The following MCM9 variants were observed in gnomAD, a reference collection of about 807,000 sequenced individuals.
MCM9 encodes the protein DNA helicase MCM9.
Under a neutral mutation model 72.8 loss-of-function variants are expected in MCM9, and 55 were observed. The observed-to-expected ratio is 0.76, with a 90% CI of 0.61 to 0.95. MCM9 has a LOEUF of 0.95. MCM9 is among the 40% of genes least tolerant of loss of function. The pLI, the probability that MCM9 is intolerant of heterozygous loss-of-function variation, is 0.00. For missense variants in MCM9, 1,279 were observed against 1,377.0 expected, an observed-to-expected ratio of 0.93 and a Z score of 1.13; for synonymous variants, 480 against 503.4, an observed-to-expected ratio of 0.95 and a Z score of 0.62.
intron 9 of MCM9, among the ~76,000 whole-genome samples, chr6:118,844,913 C>CT (rs1233295053): frequency 6.6e-6 from 1 of 151,816 alleles, no homozygotes; most frequent in Non-Finnish European, 1.5e-5. Context: ...TCTGGACAGG[C>CT]CAAACACTGG....
chr6:118,815,400 A>C lies in MCM9; in HGVS notation c.2856T>G (p.Ser952Arg), dbSNP rs1469061245. 1 of 1,550,196 alleles carries C rather than the reference A, an allele frequency of 6.5e-7. No individual in the cohort carries two copies. Among genetic ancestry groups the C allele is most frequent in the Non-Finnish European group, 8.7e-7 (1 of 1,146,750 alleles). The change falls in exon 14 of 14, where the codon AGT (serine) becomes AGG (arginine). Residue 952 changes from serine to arginine, a missense_variant. Transcript: ENST00000619706. ...TTGTTCTACGCTGGGAAATTTTAGG[A>C]CTATGAACTGCTATTTTAGTTGCAC... ...SPGATKIAVH[S>R]PKISQRRTRR...
At chr6:118,903,329 C>T (rs572757289) in intron 8 of MCM9, among the ~76,000 whole-genome samples, 91 of 152,240 alleles carry the variant, frequency 6.0e-4, no homozygotes, top group African/African-American at 2.0e-3. Flanking sequence ...TTCTCCAGGA[C>T]AAGGCTGGCT....
intron 8 of MCM9, among the ~76,000 whole-genome samples, chr6:118,885,431 G>A (rs1461533746): frequency 1.3e-5 from 2 of 151,978 alleles, no homozygotes; most frequent in Non-Finnish European, 2.9e-5. Flanking sequence ...TTTAGTTAGG[G>A]TGACCAAACA....
chr6:118,894,237 A>G (rs963495611), intron 8 of MCM9: 5 of 1,431,276 alleles, frequency 3.5e-6, no homozygotes, highest in Admixed American at 5.7e-5. Context: ...GAAAGCTGCA[A>G]AACACTGTGG....
intron 9 of MCM9, among the ~76,000 whole-genome samples, chr6:118,840,335 T>C (rs1775265707): frequency 6.6e-6 from 1 of 152,110 alleles, no homozygotes; most frequent in Non-Finnish European, 1.5e-5. Flanking sequence ...AGGATGGGAC[T>C]CTCTGAGTGT....
At chr6:118,838,550 G>C (rs1775131460) in intron 9 of MCM9, among the ~76,000 whole-genome samples, 1 of 151,368 alleles carries the variant, frequency 6.6e-6, no homozygotes, top group Non-Finnish European at 1.5e-5. Context: ...TCAGCCCCCT[G>C]AGTAGCTGGG....
At chr6:118,932,409 A>G (rs1046270944) in intron 2 of MCM9, among the ~76,000 whole-genome samples, 198 bp downstream of exon 2, 42 of 152,362 alleles carry the variant, frequency 2.8e-4, no homozygotes, top group African/African-American at 1.0e-3. Context: ...GCCACATTCC[A>G]TACACACACA....
intron 9 of MCM9, among the ~76,000 whole-genome samples, chr6:118,844,530 C>T (rs569940999): frequency 6.8e-6 from 1 of 146,552 alleles, no homozygotes; most frequent in East Asian, 2.0e-4. Context: ...ATGTCAAAAG[C>T]AAAGTTAAAA....
At chr6:118,861,132 G>A (rs1776875902) in intron 8 of MCM9, among the ~76,000 whole-genome samples, 2 of 152,330 alleles carry the variant, frequency 1.3e-5, no homozygotes, top group Admixed American at 1.3e-4. Flanking sequence ...CTGTGGTGGA[G>A]CGGGCAGCTC....
intron 8 of MCM9, among the ~76,000 whole-genome samples, chr6:118,865,848 A>G (rs1043144720): frequency 1.5e-5 from 1 of 67,704 alleles, no homozygotes; most frequent in Non-Finnish European, 4.0e-5. Flanking sequence ...TCCTAGATCC[A>G]AGAAAAAAAG....
At chr6:118,913,448 A>C (rs771655809) in intron 6 of MCM9, 28 bp from the exon 7 acceptor site, 1 of 1,611,290 alleles carries the variant, frequency 6.2e-7, no homozygotes, top group Admixed American at 1.7e-5. Context: ...ATCAGAAATC[A>C]GCAATAATTT....
At chr6:118,931,394 G>A (rs925578865) in intron 3 of MCM9, 26 bp downstream of exon 3, 2 of 1,567,978 alleles carry the variant, frequency 1.3e-6, no homozygotes, top group African/African-American at 2.7e-5. Context: ...AAGATAGCAT[G>A]GCAGTAAAAT....
At position 118,814,390 on chromosome 6, in the gene MCM9, CAAA is replaced by C. The variant is rs59630533; in HGVS notation, c.*431_*433del. On this transcript the variant is annotated 3_prime_UTR_variant, in exon 14 of 14. Transcript: ENST00000619706. ...ACTTAGCCCATTCCAGGTGAAAATA[CAAA>C]AAAAAAAAAAAAAAGTAGAAAAGAG... 25 of 80,378 alleles carry C rather than the reference CAAA, an allele frequency of 3.1e-4. No homozygotes were observed. Among genetic ancestry groups the C allele is most frequent in the African/African-American group, 6.5e-4 (16 of 24,630 alleles). The allele number at this position is 80,378 out of a possible 1,614,324, so 5.0% of individuals were successfully genotyped here.
rs1781470271 is a variant in MCM9, at chr6:118,921,993, C to T, written c.703+12G>A. 8 of 1,603,770 alleles carry T rather than the reference C, an allele frequency of 5.0e-6. No homozygotes were observed. The highest frequency in any genetic ancestry group is 4.5e-5 in the East Asian group (2 of 44,624). On this transcript the variant is annotated intron_variant, in intron 5 of 13. Coordinates refer to ENST00000619706, the MANE Select transcript of MCM9 (RefSeq NM_017696.3). The stretch of plus-strand genomic sequence containing the variant: ...ACCTACACAAGCTAAAAAAAAATTC[C>T]CCTCTTCTTACCAGATTTGCAACTA...
At chr6:118,865,508 A>G (rs1430856516) in intron 8 of MCM9, among the ~76,000 whole-genome samples, 1 of 152,184 alleles carries the variant, frequency 6.6e-6, no homozygotes, top group East Asian at 1.9e-4. Flanking sequence ...AAAAGTCCCA[A>G]AAAGGGGTGA....
At chr6:118,828,893 G>A in intron 10 of MCM9, 155 bp downstream of exon 10, 1 of 701,760 alleles carries the variant, frequency 1.4e-6, no homozygotes. Context: ...GGCCCCGTAA[G>A]TGGCTCCTCT....
chr6:118,935,084 C>CTG lies in MCM9; in HGVS notation c.-345_-344dup, dbSNP rs1316564711. 8.5e-5 allele frequency: 13 copies of CTG among 152,106 alleles called. No homozygotes were observed. Among genetic ancestry groups the CTG allele is most frequent in the African/African-American group, 3.1e-4 (13 of 41,448 alleles). The allele number at this position is 152,106 out of a possible 1,614,324, so 9.4% of individuals were successfully genotyped here. A position where few individuals can be genotyped will look rare whatever the true frequency, so the allele number is the denominator to read the frequency against. On this transcript the variant is annotated 5_prime_UTR_variant, in exon 1 of 14. Coordinates refer to ENST00000619706, the MANE Select transcript of MCM9 (RefSeq NM_017696.3). Reference sequence around the variant, plus strand: ...GTCGGGCGGCCTAGCGCCTGCGGCTCTGCCGGGCCTGCGCTCTCGACCGAC... The same window carrying CTG: ...GTCGGGCGGCCTAGCGCCTGCGGCTCTGTGCCGGGCCTGCGCTCTCGACCGAC...
chr6:118,862,725 G>A (rs546201061), intron 8 of MCM9, among the ~76,000 whole-genome samples: 22 of 152,108 alleles, frequency 1.4e-4, no homozygotes, highest in Non-Finnish European at 2.4e-4. Context: ...ACCTCCTACT[G>A]TGCAGCCCGG....
intron 9 of MCM9, among the ~76,000 whole-genome samples, chr6:118,829,689 A>G (rs889034479): frequency 1.3e-5 from 2 of 152,220 alleles, no homozygotes; most frequent in African/African-American, 4.8e-5. Context: ...AACACTGTGA[A>G]GCAGCTTTTG....
Sources: gnomAD v4.1 joint callset for allele counts (sites outside exome capture counted in the v4.1 genomes callset) on GRCh38, gnomAD v4.1.1 for gene constraint, MANE v1.5 for transcripts, NCBI Gene and HGNC (gene_info 2026-07-23, HGNC 2026-07-21) for gene names.